The following SAMMSON variants were observed in gnomAD, a reference collection of about 807,000 sequenced individuals.
SAMMSON encodes long intergenic non-protein coding RNA 1212.
rs9851160 is a variant in SAMMSON, at chr3:70,018,725, A to G, written n.417+5053A>G. Among the ~76,000 whole-genome samples the G allele has an allele frequency of 6.3e-3, 962 of 152,214 alleles. 6 individuals are homozygous for G. Among genetic ancestry groups the G allele is most frequent in the African/African-American group, 0.022 (907 of 41,544 alleles). On this transcript the variant is annotated intron_variant and non_coding_transcript_variant, in intron 3 of 9. Transcript: ENST00000642114. The stretch of plus-strand genomic sequence containing the variant: ...CTTTCTCTTGTGGGCATTTAGTGCT[A>G]TAAATTTCCCTCTACACACTGCTTT...
chr3:70,363,496 A>G (rs1052152328), intron 9 of SAMMSON, among the ~76,000 whole-genome samples: 8 of 152,084 alleles, frequency 5.3e-5, no homozygotes, highest in African/African-American at 1.9e-4. Context: ...GTTTCAGGGT[A>G]CAACATCTAC....
At chr3:70,171,487 A>G (rs1159600180) in intron 4 of SAMMSON, among the ~76,000 whole-genome samples, 1 of 151,938 alleles carries the variant, frequency 6.6e-6, no homozygotes, top group Non-Finnish European at 1.5e-5. Flanking sequence ...GTATAATGCT[A>G]TAAATAAAAA....
intron 3 of SAMMSON, among the ~76,000 whole-genome samples, chr3:70,065,917 G>C (rs889863087): frequency 6.6e-6 from 1 of 152,114 alleles, no homozygotes; most frequent in Non-Finnish European, 1.5e-5. Context: ...TTATCAAAGA[G>C]AGTCCATAAA....
intron 2 of SAMMSON, among the ~76,000 whole-genome samples, chr3:70,401,845 T>C (rs1701144028): frequency 6.6e-6 from 1 of 152,214 alleles, no homozygotes; most frequent in Non-Finnish European, 1.5e-5. Flanking sequence ...TATTTTATTT[T>C]GCTTTTTGAA....
At chr3:70,155,691 A>G (rs1332219691) in intron 4 of SAMMSON, among the ~76,000 whole-genome samples, 1 of 152,028 alleles carries the variant, frequency 6.6e-6, no homozygotes, top group African/African-American at 2.4e-5. Context: ...GTAATAACAT[A>G]CAAGCCATTC....
intron 2 of SAMMSON, among the ~76,000 whole-genome samples, chr3:70,417,792 C>T (rs953943807): frequency 2.6e-5 from 4 of 152,092 alleles, no homozygotes; most frequent in African/African-American, 7.2e-5. Context: ...CTGATTGGCT[C>T]TTCTTGATCA....
At chr3:70,028,714 C>T (rs1413870805) in intron 3 of SAMMSON, among the ~76,000 whole-genome samples, 4 of 152,184 alleles carry the variant, frequency 2.6e-5, no homozygotes, top group South Asian at 4.1e-4. Context: ...ATTTCTTAGT[C>T]TAGGGGATGA....
chr3:70,411,588 G>T lies in SAMMSON; in HGVS notation n.234-50972G>T, dbSNP rs142021135. On this transcript the variant is annotated intron_variant and non_coding_transcript_variant, in intron 2 of 3. Transcript: ENST00000641053. ...TCTCATCTTGAATTGTAGCTCCCAT[G>T]ATCCCTATGTGTTGTGGGAGGAACC... Among the ~76,000 whole-genome samples the T allele has an allele frequency of 2.0e-5, 3 of 152,278 alleles. No homozygotes were observed. In the East Asian group the frequency reaches 5.8e-4, roughly 29 times the overall value.
At chr3:70,353,096 C>T (rs1376177514) in intron 7 of SAMMSON, among the ~76,000 whole-genome samples, 1 of 151,854 alleles carries the variant, frequency 6.6e-6, no homozygotes, top group Non-Finnish European at 1.5e-5. Context: ...TATAACCTAT[C>T]AATGGACTTA....
chr3:70,274,066 T>TGTGTGTGC (rs1234043035), intron 6 of SAMMSON, among the ~76,000 whole-genome samples: 3 of 148,026 alleles, frequency 2.0e-5, no homozygotes, highest in South Asian at 2.3e-4. Context: ...CGTGTGTGTG[T>TGTGTGTGC]GTGTGTGTGT....
chr3:70,166,069 A>G (rs1410855234), intron 4 of SAMMSON, among the ~76,000 whole-genome samples: 1 of 152,024 alleles, frequency 6.6e-6, no homozygotes, highest in Non-Finnish European at 1.5e-5. Context: ...TGGCTTCTTT[A>G]TGAAGCTTCT....
intron 3 of SAMMSON, among the ~76,000 whole-genome samples, chr3:70,041,873 C>T (rs2067107564): frequency 6.6e-6 from 1 of 151,984 alleles, no homozygotes; most frequent in Non-Finnish European, 1.5e-5. Context: ...ATATAGCAAT[C>T]ATTAACAGGA....
chr3:70,048,443 A>G (rs2067134921), intron 3 of SAMMSON, among the ~76,000 whole-genome samples: 1 of 152,108 alleles, frequency 6.6e-6, no homozygotes, highest in African/African-American at 2.4e-5. Context: ...AATCCTTGGC[A>G]CATAAGAATC....
chr3:70,121,216 C>T (rs866289079), intron 4 of SAMMSON, among the ~76,000 whole-genome samples: 78 of 152,326 alleles, frequency 5.1e-4, no homozygotes, highest in African/African-American at 1.8e-3. Flanking sequence ...CAGCTGTAAA[C>T]ACAGATGAAG....
chr3:70,307,634 A>G (rs1415007919), intron 7 of SAMMSON, among the ~76,000 whole-genome samples: 1 of 152,042 alleles, frequency 6.6e-6, no homozygotes, highest in African/African-American at 2.4e-5. Flanking sequence ...TGCTAAATGT[A>G]GCTGTGTGTA....
intron 2 of SAMMSON, among the ~76,000 whole-genome samples, chr3:70,418,696 T>C (rs67695598): frequency 0.17 from 25,266 of 152,104 alleles, 2,685 homozygotes; most frequent in East Asian, 0.33. Context: ...TTTAGGGTTT[T>C]AACCTAGAAA....
intron 4 of SAMMSON, among the ~76,000 whole-genome samples, chr3:70,123,371 A>T (rs2067443012): frequency 6.6e-6 from 1 of 152,186 alleles, no homozygotes; most frequent in South Asian, 2.1e-4. Context: ...AGCTCAGGCA[A>T]TTGATTCTTG....
chr3:70,081,843 G>A (rs1357974773), intron 4 of SAMMSON, among the ~76,000 whole-genome samples: 2 of 152,204 alleles, frequency 1.3e-5, no homozygotes, highest in Non-Finnish European at 2.9e-5. Context: ...ATGCAGGAAT[G>A]TGACACCTAA....
chr3:70,331,647 A>G (rs1340316139), intron 7 of SAMMSON, among the ~76,000 whole-genome samples: 10 of 152,234 alleles, frequency 6.6e-5, no homozygotes, highest in Admixed American at 6.5e-4. Flanking sequence ...TGATTCACCT[A>G]TTTAAGCTTT....
Sources: gnomAD v4.1 joint callset for allele counts (sites outside exome capture counted in the v4.1 genomes callset) on GRCh38, gnomAD v4.1.1 for gene constraint, MANE v1.5 for transcripts, NCBI Gene and HGNC (gene_info 2026-07-23, HGNC 2026-07-21) for gene names.